DMD: variants seen among roughly 807,000 people sequenced by gnomAD.
DMD encodes the protein mutant dystrophin.
A neutral mutation model predicts 330.1 loss-of-function variants in DMD; 63 were observed. The observed-to-expected ratio is 0.19, with a 90% CI of 0.16 to 0.24. The LOEUF is 0.24. Among genes scored for constraint, DMD ranks in the 10% least tolerant of loss-of-function variants. The pLI, the probability that DMD is intolerant of heterozygous loss-of-function variation, is 1.00. For synonymous variants in DMD, 1,223 were observed against 959.8 expected (o/e 1.27, Z -5.07); for missense variants, 3,344 against 2,684.1 (o/e 1.25, Z -5.43).
chrX:31,590,083 T>C (rs1245543329), intron 55 of DMD, among the ~76,000 whole-genome samples: 1 of 111,240 alleles, frequency 9.0e-6, no homozygotes, highest in Non-Finnish European at 1.9e-5. Flanking sequence ...TAAATTGAAT[T>C]AGCCTAGGAA....
At chrX:32,358,827 C>A (rs1262503527) in intron 37 of DMD, among the ~76,000 whole-genome samples, 1 of 111,131 alleles carries the variant, frequency 9.0e-6, no homozygotes, top group African/African-American at 3.3e-5. Context: ...GTGTAATATA[C>A]GTAACGATGG....
At chrX:31,357,776 A>G (rs2058743326) in intron 60 of DMD, among the ~76,000 whole-genome samples, 1 of 111,586 alleles carries the variant, frequency 9.0e-6, no homozygotes, top group South Asian at 3.8e-4. Context: ...AGTGACTGAA[A>G]AGCGCCTTTC....
intron 74 of DMD, among the ~76,000 whole-genome samples, chrX:31,164,237 A>T (rs2039174338): frequency 9.0e-6 from 1 of 111,291 alleles, no homozygotes; most frequent in Non-Finnish European, 1.9e-5. Flanking sequence ...TGAGCTGGCG[A>T]CTCACAGTCC....
At position 32,537,354 on chromosome X, in the gene DMD, CA is replaced by C. The variant is rs766885076; in HGVS notation, c.2168+7804del. ...ATAAAGATTATAAATGATATTTCCC[CA>C]AAAAATAAAGCATCATAAGAAGAAA... is the stretch of plus-strand genomic sequence containing the variant. On this transcript the variant is annotated intron_variant, in intron 17 of 78. Coordinates refer to ENST00000357033, the MANE Select transcript of DMD (RefSeq NM_004006.3). 1.4e-4 allele frequency among the ~76,000 whole-genome samples: 15 copies of C among 110,741 alleles called. No homozygotes were observed. In the East Asian group the frequency reaches 2.0e-3, roughly 15 times the overall value.
At chrX:31,927,062 C>T (rs749452937) in intron 47 of DMD, among the ~76,000 whole-genome samples, 15 of 111,989 alleles carry the variant, frequency 1.3e-4, no homozygotes, top group Non-Finnish European at 2.6e-4. Context: ...TTACCTAAAT[C>T]TGGTACTGAT....
intron 41 of DMD, among the ~76,000 whole-genome samples, chrX:32,319,779 T>A (rs186208299): frequency 1.4e-3 from 152 of 111,118 alleles, no homozygotes; most frequent in African/African-American, 4.5e-3. Context: ...TGATTTTAGC[T>A]TCTTCATGGG....
At chrX:32,332,543 G>T (rs2097686122) in intron 41 of DMD, among the ~76,000 whole-genome samples, 1 of 109,423 alleles carries the variant, frequency 9.1e-6, no homozygotes, top group African/African-American at 3.3e-5. Flanking sequence ...AACGGGGGAG[G>T]ATTATTTTAG....
chrX:31,671,139 C>T (rs2081758333), intron 53 of DMD, among the ~76,000 whole-genome samples: 1 of 111,731 alleles, frequency 9.0e-6, no homozygotes, highest in African/African-American at 3.3e-5. Flanking sequence ...GTCTCAATCT[C>T]CTGACCTCGT....
intron 41 of DMD, among the ~76,000 whole-genome samples, chrX:32,323,769 A>T (rs754881039): frequency 1.2e-4 from 13 of 111,599 alleles, no homozygotes; most frequent in African/African-American, 4.2e-4. Context: ...ATGAATTATA[A>T]AATTATAGAC....
chrX:32,618,327 G>A (rs73463795), intron 11 of DMD, among the ~76,000 whole-genome samples: 14,170 of 111,531 alleles, frequency 0.13, 2,104 homozygotes, highest in African/African-American at 0.43. Flanking sequence ...AATACTATGC[G>A]GCCATGAAAA....
At chrX:31,701,826 G>T (rs2083833681) in intron 52 of DMD, among the ~76,000 whole-genome samples, 2 of 112,166 alleles carry the variant, frequency 1.8e-5, no homozygotes, top group African/African-American at 3.2e-5. Context: ...CCACTCTAGA[G>T]CTAATGAATC....
intron 44 of DMD, among the ~76,000 whole-genome samples, chrX:32,187,811 T>G (rs2147539540): frequency 9.0e-6 from 1 of 111,072 alleles, no homozygotes; most frequent in South Asian, 3.7e-4. Context: ...CACAATCAAA[T>G]TCCTGGAGAA....
intron 1 of DMD, among the ~76,000 whole-genome samples, chrX:33,241,865 G>T (rs756963143): frequency 9.0e-6 from 1 of 110,789 alleles, no homozygotes; most frequent in East Asian, 2.9e-4. Context: ...GGATTCCAGC[G>T]ATTCTCATGC....
intron 17 of DMD, among the ~76,000 whole-genome samples, chrX:32,522,364 T>A (rs2046519332): frequency 8.9e-6 from 1 of 111,842 alleles, no homozygotes; most frequent in African/African-American, 3.3e-5. Flanking sequence ...TCTATCTTTT[T>A]TAATTGACGC....
chrX:33,051,646 A>ATTTTTTTTTTTTTTTTTTTTTTTTTTTT (rs754035822), intron 1 of DMD, among the ~76,000 whole-genome samples: 2 of 71,959 alleles, frequency 2.8e-5, no homozygotes, highest in African/African-American at 1.3e-4. Context: ...ATTACGCTCT[A>ATTTTTTTTTTTTTTTTTTTTTTTTTTTT]TTTTTTTTTT....
intron 7 of DMD, among the ~76,000 whole-genome samples, chrX:32,803,998 C>T (rs911956123): frequency 8.9e-6 from 1 of 111,772 alleles, no homozygotes; most frequent in Non-Finnish European, 1.9e-5. Flanking sequence ...AGCTCAAGTA[C>T]TGAATATCCT....
At chrX:32,946,022 T>C (rs1223006186) in intron 2 of DMD, among the ~76,000 whole-genome samples, 1 of 111,448 alleles carries the variant, frequency 9.0e-6, no homozygotes, top group African/African-American at 3.2e-5. Flanking sequence ...AACATGAACA[T>C]AGAGGTTTAA....
chrX:31,701,466 T>C lies in DMD; in HGVS notation c.7661-21880A>G, dbSNP rs756155505. On this transcript the variant is annotated intron_variant, in intron 52 of 78. Coordinates refer to ENST00000357033, the MANE Select transcript of DMD (RefSeq NM_004006.3). ...TCAATTCTTCCTTACCTCCTTCTCT[T>C]CAGATTTAGGTGTCCCTCCTACCCA... 8.9e-5 allele frequency among the ~76,000 whole-genome samples: 10 copies of C among 112,014 alleles called. No individual in the cohort carries two copies. The South Asian group carries it at 1.5e-3, about 17-fold the overall frequency.
intron 60 of DMD, among the ~76,000 whole-genome samples, chrX:31,414,389 A>G (rs2061776653): frequency 8.9e-6 from 1 of 112,167 alleles, no homozygotes; most frequent in Non-Finnish European, 1.9e-5. Context: ...ATATGGGGGG[A>G]AAAATTAAAC....
Sources: allele counts gnomAD v4.1 joint callset (sites outside exome capture counted in the v4.1 genomes callset), GRCh38; gene constraint gnomAD v4.1.1; transcripts MANE v1.5; gene names NCBI Gene and HGNC (gene_info 2026-07-23, HGNC 2026-07-21).